The following SNX29 variants were observed in gnomAD, a reference collection of about 807,000 sequenced individuals.
The protein encoded by SNX29 is sorting nexin 29.
SNX29 carries 78 observed loss-of-function variants against 102.1 expected under a neutral mutation model. The observed-to-expected ratio is 0.76, with a 90% CI of 0.64 to 0.92. The LOEUF (loss-of-function observed/expected upper bound fraction) is 0.92, where lower values mean the gene tolerates loss of function less well. Among genes scored for constraint, SNX29 ranks in the 40% least tolerant of loss-of-function variants. The pLI is 0.00. For missense variants in SNX29, 1,280 were observed against 1,061.7 expected (o/e 1.21, Z -2.86); for synonymous variants, 580 against 414.5 (o/e 1.40, Z -4.85).
intron 15 of SNX29, among the ~76,000 whole-genome samples, chr16:12,352,371 T>C (rs1470030259): frequency 7.7e-6 from 1 of 129,370 alleles, no homozygotes; most frequent in Non-Finnish European, 1.6e-5. Flanking sequence ...TGTTGTGCGG[T>C]GGGGGAAGGG....
chr16:12,533,013 G>A (rs1489885688), intron 20 of SNX29, among the ~76,000 whole-genome samples: 1 of 152,206 alleles, frequency 6.6e-6, no homozygotes, highest in Non-Finnish European at 1.5e-5. Context: ...CGTCTGTGGG[G>A]AGAGTGCCAC....
rs774953732 is a variant in SNX29, at chr16:12,572,855, C to T, written c.*4226C>T. 2.8e-6 allele frequency: 3 copies of T among 1,063,578 alleles called. No homozygotes were observed. Among genetic ancestry groups the T allele is most frequent in the Non-Finnish European group, 3.4e-6 (3 of 878,038 alleles). 65.9% of individuals were successfully genotyped at this position (1,063,578 alleles called of 1,614,324 possible). On this transcript the variant is annotated 3_prime_UTR_variant, in exon 21 of 21. Transcript: ENST00000566228. ...GGGCAGCCTCATGCCCAGGTTTCAG[C>T]CCTAAAGGTAATGATTGTCTTGACT... is the stretch of plus-strand genomic sequence containing the variant.
At position 12,052,067 on chromosome 16, in the gene SNX29, A is replaced by T. The variant is rs754336940; in HGVS notation, c.969A>T (p.Ser323=). The change falls in exon 8 of 21, where the codon TCA becomes TCT. Residue 323 remains serine (S), a synonymous_variant. Transcript: ENST00000566228. ...CCAATGGAAGTCAGAGCAGCAACTC[A>T]TGGAAAATTGATTCCCTGTCTTTGA... The part of the protein sequence containing the change: ...PNSNGSQSSN[S]WKIDSLSLNG... 5 of 1,612,660 alleles carry T rather than the reference A, an allele frequency of 3.1e-6. No individual in the cohort carries two copies. Among genetic ancestry groups the T allele is most frequent in the Non-Finnish European group, 2.5e-6 (3 of 1,178,752 alleles).
At position 12,570,885 on chromosome 16, in the gene SNX29, A is replaced by G. The variant is rs950933008; in HGVS notation, c.*2256A>G. 4 of 231,136 alleles carry G rather than the reference A, an allele frequency of 1.7e-5. No individual in the cohort carries two copies. Among genetic ancestry groups the G allele is most frequent in the Non-Finnish European group, 3.4e-5 (4 of 117,090 alleles). The allele number at this position is 231,136 out of a possible 1,614,324, so 14.3% of individuals were successfully genotyped here. ...CTGCCTCCTACTTTTATAATACTGA[A>G]TTATTCACAAAAAACCTGGTCTGCT... On this transcript the variant is annotated 3_prime_UTR_variant, in exon 21 of 21. Transcript: ENST00000566228.
At chr16:12,135,531 CT>C (rs1167461416) in intron 13 of SNX29, 18 of 1,320,894 alleles carry the variant, frequency 1.4e-5, no homozygotes, top group Middle Eastern at 2.0e-4. Flanking sequence ...AGCCAGTTCT[CT>C]TTGCTATTTT....
At chr16:12,338,414 C>T (rs549921546) in intron 15 of SNX29, among the ~76,000 whole-genome samples, 21 of 152,262 alleles carry the variant, frequency 1.4e-4, no homozygotes, top group African/African-American at 5.1e-4. Context: ...GGCTGCCTTC[C>T]CCCCGGGAGG....
chr16:12,000,255 C>A (rs1197518158), intron 2 of SNX29: 2 of 152,988 alleles, frequency 1.3e-5, no homozygotes, highest in African/African-American at 4.8e-5. Flanking sequence ...CCACTGTGTG[C>A]CAGGCTCTCT....
chr16:12,324,573 A>G (rs1340829334), intron 15 of SNX29, among the ~76,000 whole-genome samples: 4 of 152,106 alleles, frequency 2.6e-5, no homozygotes, highest in East Asian at 3.9e-4. Flanking sequence ...GTGCCTGTCA[A>G]TGTTTTCTTT....
rs2055645476 is a variant in SNX29 at position 11,986,773 on chromosome 16, C to T, written c.7+9960C>T. On this transcript the variant is annotated intron_variant, in intron 1 of 20. Coordinates refer to ENST00000566228, the MANE Select transcript of SNX29 (RefSeq NM_032167.5). ...AGTAAATATTTTCTACTTTGTGGGC[C>T]ATCTGGTCTCAGCCTCAAGTATTCA... 2.0e-5 allele frequency among the ~76,000 whole-genome samples: 3 copies of T among 152,306 alleles called. No individual in the cohort carries two copies. The South Asian group carries it at 6.2e-4, about 32-fold the overall frequency.
rs1208660733 is a variant in SNX29, at chr16:12,242,367, A to ATATATATT, written c.1679-35565_1679-35564insATATATTT. On this transcript the variant is annotated intron_variant, in intron 14 of 20. Coordinates refer to ENST00000566228, the MANE Select transcript of SNX29 (RefSeq NM_032167.5). ...TATATATAATAATATATATATATAT[A>ATATATATT]TTTTTTTTTTTTTTTTAAGAAGAGG... 2.8e-4 allele frequency among the ~76,000 whole-genome samples: 40 copies of ATATATATT among 141,600 alleles called. 1 individual carries two copies. Among genetic ancestry groups the ATATATATT allele is most frequent in the African/African-American group, 1.0e-3 (40 of 38,368 alleles). 92.9% of individuals were successfully genotyped at this position (141,600 alleles called of 152,430 possible). A position where few individuals can be genotyped will look rare whatever the true frequency, so the allele number is the denominator to read the frequency against.
intron 20 of SNX29, among the ~76,000 whole-genome samples, chr16:12,563,776 G>A (rs950077032): frequency 7.2e-5 from 11 of 152,166 alleles, no homozygotes; most frequent in African/African-American, 1.2e-4. Context: ...CTTGTCTGCC[G>A]ACCTGTCTGA....
chr16:12,240,284 T>C (rs1043293238), intron 14 of SNX29, among the ~76,000 whole-genome samples: 3 of 152,222 alleles, frequency 2.0e-5, no homozygotes, highest in African/African-American at 7.2e-5. Context: ...ACTGTCAACA[T>C]GCTTCCCAGA....
chr16:12,456,133 G>A (rs1025282463), intron 18 of SNX29, among the ~76,000 whole-genome samples: 2 of 152,232 alleles, frequency 1.3e-5, no homozygotes, highest in Admixed American at 1.3e-4. Flanking sequence ...GGGTACTAGG[G>A]CATAGTGAAT....
intron 13 of SNX29, among the ~76,000 whole-genome samples, chr16:12,157,583 C>T (rs553188401): frequency 4.6e-5 from 7 of 152,170 alleles, no homozygotes; most frequent in South Asian, 4.2e-4. Context: ...TACATTGACA[C>T]GATTGGAGCC....
intron 14 of SNX29, among the ~76,000 whole-genome samples, chr16:12,226,723 G>C (rs1438152039): frequency 1.3e-5 from 2 of 152,030 alleles, no homozygotes; most frequent in Non-Finnish European, 2.9e-5. Flanking sequence ...ACAGGTGTGT[G>C]TCATCATACC....
intron 15 of SNX29, among the ~76,000 whole-genome samples, chr16:12,344,540 A>AATG (rs1567459561): frequency 0.014 from 2,113 of 151,558 alleles, 45 homozygotes; most frequent in African/African-American, 0.049. Context: ...ATGAATGAAT[A>AATG]AATGAATGAA....
chr16:12,324,750 A>C (rs2081066173), intron 15 of SNX29, among the ~76,000 whole-genome samples: 1 of 152,062 alleles, frequency 6.6e-6, no homozygotes, highest in African/African-American at 2.4e-5. Flanking sequence ...AGTGCCATGA[A>C]CACAGCTCAG....
intron 15 of SNX29, among the ~76,000 whole-genome samples, chr16:12,351,593 T>G (rs992152371): frequency 6.6e-6 from 1 of 152,228 alleles, no homozygotes; most frequent in Non-Finnish European, 1.5e-5. Flanking sequence ...TTGAAAAATT[T>G]GTAATCCTTT....
intron 11 of SNX29, among the ~76,000 whole-genome samples, chr16:12,093,407 C>T (rs1382969353): frequency 6.6e-6 from 1 of 150,480 alleles, no homozygotes; most frequent in African/African-American, 2.5e-5. Flanking sequence ...GCCAGGAGTT[C>T]AAAACCAGCC....
Sources: gnomAD v4.1 joint callset for allele counts (sites outside exome capture counted in the v4.1 genomes callset) on GRCh38, gnomAD v4.1.1 for gene constraint, MANE v1.5 for transcripts, NCBI Gene and HGNC (gene_info 2026-07-23, HGNC 2026-07-21) for gene names.